CFAP54: variants seen among roughly 807,000 people sequenced by gnomAD.
CFAP54 encodes the protein cilia- and flagella-associated protein 54.
Under a neutral mutation model 370.4 loss-of-function variants are expected in CFAP54, and 290 were observed. The observed-to-expected ratio is 0.78, with a 90% CI of 0.71 to 0.86. CFAP54 has a LOEUF of 0.86. CFAP54 is among the 40% of genes least tolerant of loss of function. The pLI, the probability that CFAP54 is intolerant of heterozygous loss-of-function variation, is 0.00. For synonymous variants in CFAP54, 1,206 were observed against 1,236.5 expected, an observed-to-expected ratio of 0.98 and a Z score of 0.52; for missense variants, 3,399 against 3,528.7, an observed-to-expected ratio of 0.96 and a Z score of 0.93.
intron 5 of CFAP54, among the ~76,000 whole-genome samples, chr12:96,513,629 T>C (rs1955197970): frequency 6.6e-6 from 1 of 152,102 alleles, no homozygotes; most frequent in African/African-American, 2.4e-5. Flanking sequence ...TAGTCCCAGC[T>C]ACTTGGGAGG....
At chr12:96,687,745 C>A (rs1236673405) in intron 42 of CFAP54, among the ~76,000 whole-genome samples, 3 of 152,132 alleles carry the variant, frequency 2.0e-5, no homozygotes, top group Admixed American at 2.0e-4. Flanking sequence ...CACACACATA[C>A]AATTTTCTCT....
At chr12:96,522,646 C>A (rs753918231) in intron 8 of CFAP54, among the ~76,000 whole-genome samples, 3 of 152,222 alleles carry the variant, frequency 2.0e-5, no homozygotes, top group Non-Finnish European at 4.4e-5. Context: ...CAACAAACAA[C>A]ACCCGTACCT....
intron 39 of CFAP54, among the ~76,000 whole-genome samples, chr12:96,677,492 A>G (rs1248018718): frequency 6.6e-6 from 1 of 152,106 alleles, no homozygotes; most frequent in Non-Finnish European, 1.5e-5. Context: ...GAAACCTACA[A>G]TCTTCGGGGT....
At chr12:96,531,292 G>A (rs1955438439) in intron 9 of CFAP54, among the ~76,000 whole-genome samples, 1 of 151,998 alleles carries the variant, frequency 6.6e-6, no homozygotes, top group African/African-American at 2.4e-5. Context: ...TGTTTCTGTT[G>A]AGAAGTGTAA....
chr12:96,534,450 T>G (rs916896055), intron 11 of CFAP54, among the ~76,000 whole-genome samples: 5 of 152,184 alleles, frequency 3.3e-5, no homozygotes, highest in Admixed American at 3.3e-4. Flanking sequence ...ATGTAGTTCC[T>G]GGGCTTTGTA....
intron 5 of CFAP54, 120 bp from the exon 6 acceptor site, chr12:96,518,808 T>G: frequency 1.2e-6 from 1 of 829,044 alleles, no homozygotes. Flanking sequence ...TTATTTATGG[T>G]ATTTTTGGTT....
At chr12:96,605,322 A>C (rs1956289181) in intron 26 of CFAP54, among the ~76,000 whole-genome samples, 1 of 152,184 alleles carries the variant, frequency 6.6e-6, no homozygotes, top group Admixed American at 6.5e-5. Flanking sequence ...TCAAGAAACC[A>C]AACAGCTGGA....
chr12:96,729,635 C>A (rs1193784923), intron 50 of CFAP54, among the ~76,000 whole-genome samples: 1 of 152,238 alleles, frequency 6.6e-6, no homozygotes, highest in African/African-American at 2.4e-5. Context: ...ACCCCTTGCG[C>A]TTCCCGAGTG....
chr12:96,742,354 T>G, intron 51 of CFAP54, 85 bp from the exon 52 acceptor site: 2 of 998,904 alleles, frequency 2.0e-6, no homozygotes, highest in Non-Finnish European at 3.0e-6. Flanking sequence ...ACCAGATGCC[T>G]TTTAAACTTA....
At chr12:96,583,846 T>G (rs952334233) in intron 22 of CFAP54, among the ~76,000 whole-genome samples, 1 of 152,218 alleles carries the variant, frequency 6.6e-6, no homozygotes, top group African/African-American at 2.4e-5. Flanking sequence ...ATCTATTAAG[T>G]GACCCTCTGC....
chr12:96,841,443 A>G (rs1959214507), intron 66 of CFAP54, among the ~76,000 whole-genome samples: 1 of 152,246 alleles, frequency 6.6e-6, no homozygotes, highest in Non-Finnish European at 1.5e-5. Context: ...TTATATTTTC[A>G]TCTTAGGAGG....
At chr12:96,581,322 C>T (rs1357527083) in intron 22 of CFAP54, among the ~76,000 whole-genome samples, 2 of 152,052 alleles carry the variant, frequency 1.3e-5, no homozygotes, top group African/African-American at 2.4e-5. Flanking sequence ...CCCTGGATTA[C>T]AAATGTAACA....
At chr12:96,662,816 C>T (rs1158774852) in intron 38 of CFAP54, among the ~76,000 whole-genome samples, 1 of 152,076 alleles carries the variant, frequency 6.6e-6, no homozygotes, top group East Asian at 1.9e-4. Flanking sequence ...GGATCCCTCA[C>T]CTTTTCCCAA....
chr12:96,682,377 T>G, intron 40 of CFAP54: 6 of 957,064 alleles, frequency 6.3e-6, no homozygotes, highest in Non-Finnish European at 7.5e-6. Context: ...TTTAAATTTT[T>G]TTTTTTTTGA....
intron 12 of CFAP54, 73 bp from the exon 13 acceptor site, chr12:96,538,311 T>C (rs1955530094): frequency 1.6e-6 from 2 of 1,289,504 alleles, no homozygotes; most frequent in South Asian, 1.4e-5. Context: ...AGAGTGTTTC[T>C]CAGCACACAG....
chr12:96,751,773 T>C (rs1958185121), intron 55 of CFAP54, among the ~76,000 whole-genome samples: 1 of 152,168 alleles, frequency 6.6e-6, no homozygotes. Context: ...GTCATTTAAC[T>C]TCCCTTGTTT....
At chr12:96,715,108 C>T (rs1391959368) in intron 48 of CFAP54, among the ~76,000 whole-genome samples, 1 of 152,004 alleles carries the variant, frequency 6.6e-6, no homozygotes, top group Non-Finnish European at 1.5e-5. Flanking sequence ...AGACATCAAC[C>T]GAGTGAGAAG....
rs1955533200 is a variant in CFAP54, at chr12:96,538,495, AC to A, written c.1906del (p.Gln636ArgfsTer15). 6.5e-7 allele frequency: 1 copy of A among 1,536,190 alleles called. No homozygotes were observed. Among genetic ancestry groups the A allele is most frequent in the Non-Finnish European group, 8.7e-7 (1 of 1,146,858 alleles). On this transcript the variant is annotated frameshift_variant, in exon 13 of 68. Coordinates refer to ENST00000524981, the MANE Select transcript of CFAP54 (RefSeq NM_001306084.2). LOFTEE classifies it high-confidence loss of function. Reference sequence around the variant, plus strand: ...ATCCAGAAATGACTATGCAAAATTCACCCAGAAAATCAGTACTAACAAAGTA... The same window carrying A: ...ATCCAGAAATGACTATGCAAAATTCACCAGAAAATCAGTACTAACAAAGTA... ...NISRNDYAKF[T>X]QKISTNKWIY...
intron 64 of CFAP54, among the ~76,000 whole-genome samples, chr12:96,813,080 C>T: frequency 6.6e-6 from 1 of 152,136 alleles, no homozygotes; most frequent in East Asian, 1.9e-4. Context: ...CTTTGTAAAT[C>T]CAGAAATGTA....
Sources: allele counts gnomAD v4.1 joint callset (sites outside exome capture counted in the v4.1 genomes callset), GRCh38; gene constraint gnomAD v4.1.1; transcripts MANE v1.5; gene names NCBI Gene and HGNC (gene_info 2026-07-23, HGNC 2026-07-21).